The following AAK1 variants were observed in gnomAD, a reference collection of about 807,000 sequenced individuals.
AAK1 encodes the protein AP2-associated protein kinase 1.
AAK1 carries 37 observed loss-of-function variants against 116.0 expected under a neutral mutation model. The observed-to-expected ratio is 0.32, with a 90% confidence interval of 0.25 to 0.42. The LOEUF is 0.42. Ranked by LOEUF, AAK1 falls within the 10% of genes least tolerant of loss-of-function variation. AAK1 has a pLI of 1.00. For missense variants in AAK1, 919 were observed against 1,170.6 expected, an observed-to-expected ratio of 0.79 and a Z score of 3.14; for synonymous variants, 458 against 439.9, an observed-to-expected ratio of 1.04 and a Z score of -0.51.
At chr2:69,532,825 C>A (rs1329652835) in intron 5 of AAK1, among the ~76,000 whole-genome samples, 1 of 152,084 alleles carries the variant, frequency 6.6e-6, no homozygotes, top group Non-Finnish European at 1.5e-5. Flanking sequence ...TAATGTATTG[C>A]CCTAATTTTT....
rs973161328 is a variant in AAK1 at position 69,461,076 on chromosome 2, A to G, written c.*14793T>C. On this transcript the variant is annotated 3_prime_UTR_variant, in exon 22 of 22. Coordinates refer to ENST00000409085, the MANE Select transcript of AAK1 (RefSeq NM_014911.5). Reference sequence around the variant, plus strand: ...CTGCATAAAAACGATTCCATCAATGATGGACCACATATACCATGATGGTCC... The same window carrying G: ...CTGCATAAAAACGATTCCATCAATGGTGGACCACATATACCATGATGGTCC... The G allele has an allele frequency of 3.3e-5, 5 of 152,244 alleles. No individual in the cohort carries two copies. Among genetic ancestry groups the G allele is most frequent in the Admixed American group, 3.3e-4 (5 of 15,290 alleles). 9.4% of individuals were successfully genotyped at this position (152,244 alleles called of 1,614,324 possible). A position where few individuals can be genotyped will look rare whatever the true frequency, so the allele number is the denominator to read the frequency against.
chr2:69,552,284 T>C (rs1671214480), intron 3 of AAK1, among the ~76,000 whole-genome samples: 3 of 152,212 alleles, frequency 2.0e-5, no homozygotes, highest in Non-Finnish European at 4.4e-5. Context: ...GGCCTGCAAA[T>C]GGACCTTCAC....
rs766121855 is a variant in AAK1 at position 69,466,283 on chromosome 2, T to A, written c.*9586A>T. On this transcript the variant is annotated 3_prime_UTR_variant, in exon 22 of 22. Transcript: ENST00000409085. ...CCGGGGGGGGTCTGCAGCTCTCATC[T>A]TCTTCTTCAGACTCCATAAGGAGAG... 2.3e-5 allele frequency: 30 copies of A among 1,289,614 alleles called. No homozygotes were observed. Among genetic ancestry groups the A allele is most frequent in the Non-Finnish European group, 2.9e-5 (29 of 988,810 alleles). The allele number at this position is 1,289,614 out of a possible 1,614,324, so 79.9% of individuals were successfully genotyped here. A position where few individuals can be genotyped will look rare whatever the true frequency, so the allele number is the denominator to read the frequency against.
intron 16 of AAK1, among the ~76,000 whole-genome samples, chr2:69,497,333 T>G (rs1156440347): frequency 7.0e-6 from 1 of 143,642 alleles, no homozygotes; most frequent in East Asian, 2.0e-4. Flanking sequence ...GATGGAGTCT[T>G]GCTCTGTTGC....
chr2:69,521,887 G>T (rs904733475), intron 10 of AAK1, among the ~76,000 whole-genome samples: 5 of 152,232 alleles, frequency 3.3e-5, no homozygotes, highest in African/African-American at 1.2e-4. Flanking sequence ...GCTTGAAGAA[G>T]TCTAGATCCC....
At chr2:69,491,772 C>T (rs571790645) in intron 17 of AAK1, among the ~76,000 whole-genome samples, 1 of 152,264 alleles carries the variant, frequency 6.6e-6, no homozygotes, top group Non-Finnish European at 1.5e-5. Flanking sequence ...CTTGTGACCA[C>T]CCCATAAGGT....
intron 2 of AAK1, among the ~76,000 whole-genome samples, chr2:69,612,824 C>G (rs191471893): frequency 6.6e-6 from 1 of 152,336 alleles, no homozygotes; most frequent in African/African-American, 2.4e-5. Flanking sequence ...TCAAAGCCTT[C>G]AAAGGCTCTG....
intron 2 of AAK1, among the ~76,000 whole-genome samples, chr2:69,618,521 C>G (rs1303573492): frequency 6.6e-6 from 1 of 152,178 alleles, no homozygotes. Flanking sequence ...TCAGAACTTT[C>G]CTTGCTCTCC....
intron 2 of AAK1, among the ~76,000 whole-genome samples, chr2:69,600,942 C>T (rs1455836083): frequency 6.6e-6 from 1 of 152,218 alleles, no homozygotes; most frequent in Non-Finnish European, 1.5e-5. Flanking sequence ...CAAGACCCTC[C>T]ACCAGCAAAA....
intron 2 of AAK1, among the ~76,000 whole-genome samples, chr2:69,624,674 G>A (rs541439161): frequency 2.0e-5 from 3 of 152,126 alleles, no homozygotes; most frequent in Non-Finnish European, 4.4e-5. Flanking sequence ...TACAGTATAT[G>A]GAACCAGTAT....
In AAK1 at chr2:69,559,527, A is replaced by G. The variant is rs141832345; in HGVS notation, c.164-2549T>C. Among the ~76,000 whole-genome samples the G allele has an allele frequency of 1.5e-3, 235 of 152,352 alleles. 1 individual carries two copies. Among genetic ancestry groups the G allele is most frequent in the African/African-American group, 5.5e-3 (228 of 41,568 alleles). On this transcript the variant is annotated intron_variant, in intron 2 of 21. Transcript: ENST00000409085. ...CTATGTATGTTCATAATTGTTTTGT[A>G]AATAGTATAAGTAGGATTCACTTCA...
Position 69,519,222 on chromosome 2 carries a change from C to T in AAK1, c.1229G>A (p.Gly410Asp). 1 of 1,582,734 alleles carries T rather than the reference C, an allele frequency of 6.3e-7. No homozygotes were observed. The highest frequency in any genetic ancestry group is 8.6e-7 in the Non-Finnish European group (1 of 1,164,196). Residue 410 changes from glycine (G) to aspartate (D), a missense_variant, in exon 12 of 22, where the codon GGC becomes GAC. Physicochemically the swap from Gly to Asp is moderately conservative, Grantham distance 94. This residue lies in a region of AAK1 where 214 missense variants were observed against 210.6 expected (regional missense o/e 1.02). Coordinates refer to ENST00000409085, the MANE Select transcript of AAK1 (RefSeq NM_014911.5). Reference sequence around the variant, plus strand: ...TGGTTGGGGAACACTGGCTAAAAGGCCAGGCTGATTGCTGGATCCTGCAAT... The same window carrying T: ...TGGTTGGGGAACACTGGCTAAAAGGTCAGGCTGATTGCTGGATCCTGCAAT... ...PQAAGSSNQP[G>D]LLASVPQPKP...
rs184536489 is a variant in AAK1 at position 69,607,925 on chromosome 2, G to A, written c.163+34953C>T. On this transcript the variant is annotated intron_variant, in intron 2 of 21. Coordinates refer to ENST00000409085, the MANE Select transcript of AAK1 (RefSeq NM_014911.5). Reference sequence around the variant, plus strand: ...GGACATCTGAGTACAATGGCAACAGGGGAACACATGTCTCCTGCCCCCAGG... The same window carrying A: ...GGACATCTGAGTACAATGGCAACAGAGGAACACATGTCTCCTGCCCCCAGG... Among the ~76,000 whole-genome samples the A allele has an allele frequency of 1.8e-3, 267 of 152,232 alleles. 1 individual carries two copies. Among genetic ancestry groups the A allele is most frequent in the Non-Finnish European group, 3.3e-3 (222 of 68,014 alleles).
chr2:69,484,147 G>A (rs1346040038), intron 17 of AAK1, among the ~76,000 whole-genome samples: 1 of 152,120 alleles, frequency 6.6e-6, no homozygotes, highest in Non-Finnish European at 1.5e-5. Context: ...GTTTGCTTGA[G>A]AAAAAGAAGT....
At chr2:69,488,613 T>C (rs1260332432) in intron 17 of AAK1, among the ~76,000 whole-genome samples, 3 of 152,214 alleles carry the variant, frequency 2.0e-5, no homozygotes, top group Non-Finnish European at 4.4e-5. Flanking sequence ...TTAACGTCTC[T>C]TTTAAGTAAG....
intron 8 of AAK1, among the ~76,000 whole-genome samples, chr2:69,528,374 C>T (rs963722328): frequency 1.3e-5 from 2 of 152,014 alleles, no homozygotes; most frequent in African/African-American, 4.8e-5. Flanking sequence ...TGAGGGTGTG[C>T]TGGATGGATT....
In AAK1 at chr2:69,470,946, T is replaced by C; in HGVS notation, c.*4923A>G. The C allele has an allele frequency of 1.0e-6, 1 of 985,892 alleles. No homozygotes were observed. Among genetic ancestry groups the C allele is most frequent in the Non-Finnish European group, 1.2e-6 (1 of 829,912 alleles). The allele number at this position is 985,892 out of a possible 1,614,324, so 61.1% of individuals were successfully genotyped here. A position where few individuals can be genotyped will look rare whatever the true frequency, so the allele number is the denominator to read the frequency against. On this transcript the variant is annotated 3_prime_UTR_variant, in exon 22 of 22. Transcript: ENST00000409085. ...CCATTTGAACAGATAAAAGTCTTTA[T>C]TCCCCTGTATGTTTACATAAGAAAG...
intron 4 of AAK1, among the ~76,000 whole-genome samples, chr2:69,543,275 A>G (rs564718560): frequency 6.6e-6 from 1 of 152,342 alleles, no homozygotes; most frequent in African/African-American, 2.4e-5. Context: ...AAAGGAAATG[A>G]GCAGGAGGAA....
In AAK1 at chr2:69,538,667, A is replaced by C. The variant is rs1175180181; in HGVS notation, c.534+3856T>G. Among the ~76,000 whole-genome samples the C allele has an allele frequency of 1.5e-4, 23 of 152,258 alleles. 1 individual carries two copies. The highest frequency in any genetic ancestry group is 1.5e-3 in the Admixed American group (23 of 15,288). ...GAGGCCAAGGCAGGCGGATCACTTG[A>C]GGTCAAGAGTTCAAGACCAGTCTTG... On this transcript the variant is annotated intron_variant, in intron 5 of 21. Coordinates refer to ENST00000409085, the MANE Select transcript of AAK1 (RefSeq NM_014911.5).
Sources: gnomAD v4.1 joint callset for allele counts (sites outside exome capture counted in the v4.1 genomes callset) on GRCh38, gnomAD v4.1.1 for gene constraint, gnomAD v4.1.1 regional missense constraint, MANE v1.5 for transcripts, NCBI Gene and HGNC (gene_info 2026-07-23, HGNC 2026-07-21) for gene names.